Variants in RNLS observed in about 807,000 individuals in gnomAD.
RNLS encodes renalase, FAD dependent amine oxidase.
RNLS carries 39 observed loss-of-function variants against 39.8 expected under a neutral mutation model. That is an observed-to-expected ratio of 0.98 (90% CI 0.76 to 1.28). RNLS has a LOEUF of 1.28. Among genes scored for constraint, RNLS ranks in the 50% most tolerant of loss-of-function variants. The pLI, the probability that RNLS is intolerant of heterozygous loss-of-function variation, is 0.00. For synonymous variants in RNLS, 147 were observed against 150.7 expected (o/e 0.98, Z 0.18); for missense variants, 410 against 413.3 (o/e 0.99, Z 0.07).
chr10:88,447,250 A>G (rs1310049967), intron 4 of RNLS, among the ~76,000 whole-genome samples: 1 of 152,208 alleles, frequency 6.6e-6, no homozygotes, highest in African/African-American at 2.4e-5. Flanking sequence ...TCATGATTGT[A>G]TATCTAGAAA....
intron 4 of RNLS, among the ~76,000 whole-genome samples, chr10:88,411,575 C>G (rs771444065): frequency 3.8e-4 from 57 of 151,766 alleles, no homozygotes; most frequent in Non-Finnish European, 2.9e-4. Flanking sequence ...AGCACTAACA[C>G]TCACACTTAT....
At chr10:88,433,862 C>T (rs943825340) in intron 4 of RNLS, among the ~76,000 whole-genome samples, 1 of 152,036 alleles carries the variant, frequency 6.6e-6, no homozygotes, top group Non-Finnish European at 1.5e-5. Flanking sequence ...TAATGTAATG[C>T]AATATGCTTA....
chr10:88,217,216 T>A, the RNLS span, among the ~76,000 whole-genome samples: 5 of 152,298 alleles, frequency 3.3e-5, no homozygotes, highest in African/African-American at 1.2e-4. Flanking sequence ...CTGCTGTTAC[T>A]AGTGACTAGA....
intron 4 of RNLS, among the ~76,000 whole-genome samples, chr10:88,568,035 AAAG>A (rs1481771687): frequency 2.0e-5 from 3 of 152,220 alleles, no homozygotes; most frequent in Non-Finnish European, 4.4e-5. Flanking sequence ...GGGCTTCAGG[AAAG>A]ATGAGGTACC....
At chr10:88,552,922 T>A (rs551441687) in intron 4 of RNLS, among the ~76,000 whole-genome samples, 33 of 152,304 alleles carry the variant, frequency 2.2e-4, no homozygotes, top group African/African-American at 6.0e-4. Flanking sequence ...CACAATTTAT[T>A]AAGTTAGATA....
In RNLS at chr10:88,428,107, T is replaced by C. The variant is rs368514222; in HGVS notation, c.527-65382A>G. Reference sequence around the variant, plus strand: ...AAAAGGGCAAAGACTGTTGTTAACATTGGACAAAAGATCTGTATGTTAGCA... The same window carrying C: ...AAAAGGGCAAAGACTGTTGTTAACACTGGACAAAAGATCTGTATGTTAGCA... On this transcript the variant is annotated intron_variant, in intron 4 of 6. Transcript: ENST00000331772. 6.6e-5 allele frequency among the ~76,000 whole-genome samples: 10 copies of C among 152,116 alleles called. No individual in the cohort carries two copies. In the East Asian group the frequency reaches 1.2e-3, roughly 18 times the overall value.
the RNLS span, among the ~76,000 whole-genome samples, chr10:88,258,636 TTTTACCAACAGAGA>T: frequency 6.6e-6 from 1 of 152,222 alleles, no homozygotes; most frequent in African/African-American, 2.4e-5. Context: ...CCTTCTTCTC[TTTTACCAACAGAGA>T]AACTGAAATA....
At chr10:88,411,013 G>C (rs905791402) in intron 4 of RNLS, among the ~76,000 whole-genome samples, 1 of 152,082 alleles carries the variant, frequency 6.6e-6, no homozygotes, top group Non-Finnish European at 1.5e-5. Flanking sequence ...TACATGGCTA[G>C]GCTCAGAGTT....
chr10:88,462,216 T>G (rs1036958103), intron 4 of RNLS, among the ~76,000 whole-genome samples: 3 of 152,160 alleles, frequency 2.0e-5, no homozygotes, highest in Non-Finnish European at 4.4e-5. Flanking sequence ...ATTTTAAACT[T>G]TTAATTTTTA....
At chr10:88,367,483 G>A (rs550009124) in intron 4 of RNLS, among the ~76,000 whole-genome samples, 1 of 152,266 alleles carries the variant, frequency 6.6e-6, no homozygotes, top group East Asian at 1.9e-4. Context: ...GATGAACATA[G>A]GGATTGTTTG....
chr10:88,224,476 C>T, the RNLS span, among the ~76,000 whole-genome samples: 39 of 152,146 alleles, frequency 2.6e-4, no homozygotes, highest in African/African-American at 8.9e-4. Flanking sequence ...TTCCAAACCC[C>T]GCCATGATAT....
At chr10:88,519,412 T>C (rs112104327) in intron 4 of RNLS, among the ~76,000 whole-genome samples, 14 of 151,528 alleles carry the variant, frequency 9.2e-5, no homozygotes, top group African/African-American at 3.4e-4. Context: ...AAAAACAACA[T>C]ATATATATTT....
intron 4 of RNLS, among the ~76,000 whole-genome samples, chr10:88,523,925 A>G (rs1206070089): frequency 1.3e-5 from 2 of 152,114 alleles, no homozygotes; most frequent in African/African-American, 4.8e-5. Context: ...TGGATTTTCC[A>G]CAAGGATCAC....
chr10:88,525,543 G>A (rs373696402), intron 4 of RNLS, among the ~76,000 whole-genome samples: 61 of 152,100 alleles, frequency 4.0e-4, no homozygotes, highest in South Asian at 2.3e-3. Flanking sequence ...TGGGCCCTGC[G>A]TATGTAGTAG....
At chr10:88,442,757 C>A (rs539824492) in intron 4 of RNLS, among the ~76,000 whole-genome samples, 41 of 152,226 alleles carry the variant, frequency 2.7e-4, no homozygotes, top group African/African-American at 9.6e-4. Context: ...TCCTCCTTGC[C>A]ACAGTCCTCC....
At chr10:88,563,935 A>C (rs1849343138) in intron 4 of RNLS, among the ~76,000 whole-genome samples, 1 of 152,190 alleles carries the variant, frequency 6.6e-6, no homozygotes, top group Non-Finnish European at 1.5e-5. Flanking sequence ...ATAAAGTAGC[A>C]TTTCCTTAAT....
At chr10:88,480,201 A>G (rs1436779338) in intron 4 of RNLS, among the ~76,000 whole-genome samples, 1 of 152,230 alleles carries the variant, frequency 6.6e-6, no homozygotes, top group Non-Finnish European at 1.5e-5. Context: ...CTTTAACTCT[A>G]GTAAGCATAT....
chr10:88,341,329 CAAAAAAAAAA>C (rs755002114), intron 5 of RNLS, among the ~76,000 whole-genome samples: 2 of 50,698 alleles, frequency 3.9e-5, no homozygotes, highest in East Asian at 9.2e-4. Flanking sequence ...AACTCCATCT[CAAAAAAAAAA>C]AAAAAAAAAA....
At chr10:88,313,334 G>C (rs1174761192) in intron 6 of RNLS, among the ~76,000 whole-genome samples, 1 of 152,100 alleles carries the variant, frequency 6.6e-6, no homozygotes, top group South Asian at 2.1e-4. Context: ...TAGCTTCAAA[G>C]TATATCAACA....
Sources: gnomAD v4.1 joint callset for allele counts (sites outside exome capture counted in the v4.1 genomes callset) on GRCh38, gnomAD v4.1.1 for gene constraint, MANE v1.5 for transcripts, NCBI Gene and HGNC (gene_info 2026-07-23, HGNC 2026-07-21) for gene names.